The following CSMD1 variants were observed in gnomAD, a reference collection of about 807,000 sequenced individuals.
CSMD1 encodes CUB and sushi domain-containing protein 1.
In CSMD1, 213 loss-of-function variants were observed where a neutral mutation model predicts 417.5. The ratio of observed to expected loss-of-function variants is 0.51; its 90% CI spans 0.46 to 0.57. The LOEUF (loss-of-function observed/expected upper bound fraction) is 0.57, where lower values mean the gene tolerates loss of function less well. CSMD1 is among the 20% of genes least tolerant of loss of function. The pLI is 0.00. For missense variants in CSMD1, 6,923 were observed against 4,529.7 expected, an observed-to-expected ratio of 1.53 and a Z score of -15.17; for synonymous variants, 2,862 against 1,736.8, an observed-to-expected ratio of 1.65 and a Z score of -16.11.
chr8:4,097,810 G>A (rs1466711209), intron 3 of CSMD1, among the ~76,000 whole-genome samples: 1 of 152,152 alleles, frequency 6.6e-6, no homozygotes. Context: ...TGCTGTGGGT[G>A]GGTTATGTTT....
chr8:3,026,933 A>G (rs1036556209), intron 51 of CSMD1, among the ~76,000 whole-genome samples: 1 of 152,168 alleles, frequency 6.6e-6, no homozygotes, highest in Non-Finnish European at 1.5e-5. Context: ...CTCTGATGTC[A>G]TTTCCAAAAC....
At chr8:3,741,744 A>T (rs1257934915) in intron 6 of CSMD1, among the ~76,000 whole-genome samples, 2 of 152,150 alleles carry the variant, frequency 1.3e-5, no homozygotes, top group Non-Finnish European at 2.9e-5. Flanking sequence ...AGAAGAAAAT[A>T]CCCAGTGGTG....
chr8:4,064,745 C>G lies in CSMD1; in HGVS notation c.416-32646G>C, dbSNP rs1799156859. Among the ~76,000 whole-genome samples, 6 of 152,304 alleles carry G rather than the reference C, an allele frequency of 3.9e-5. 1 individual carries two copies. In the South Asian group the frequency reaches 1.0e-3, roughly 26 times the overall value. On this transcript the variant is annotated intron_variant, in intron 3 of 69. Transcript: ENST00000635120. ...TACTCAACCTTCACAACCGAGATCTCTCAGTACTGCTGTGGAAACAATCCA... is the reference window on the plus strand; with the variant it reads ...TACTCAACCTTCACAACCGAGATCTGTCAGTACTGCTGTGGAAACAATCCA...
intron 41 of CSMD1, among the ~76,000 whole-genome samples, chr8:3,140,486 G>C (rs1051451944): frequency 1.2e-4 from 19 of 152,108 alleles, no homozygotes; most frequent in Non-Finnish European, 2.6e-4. Flanking sequence ...GCAATGTCTA[G>C]AGACATATTG....
chr8:3,096,349 A>G lies in CSMD1; in HGVS notation c.7138+500T>C, dbSNP rs148242738. Among the ~76,000 whole-genome samples, 900 of 151,898 alleles carry G rather than the reference A, an allele frequency of 5.9e-3. 10 individuals carry two copies. The highest frequency in any genetic ancestry group is 0.021 in the African/African-American group (870 of 41,544). On this transcript the variant is annotated intron_variant, in intron 47 of 69. Coordinates refer to ENST00000635120, the MANE Select transcript of CSMD1 (RefSeq NM_033225.6). ...AAATCTGGTGGGAGGTAATTGAATC[A>G]TGTGGGTGGGTCTTTCCCATGCTGT...
At chr8:4,165,264 G>T (rs995775478) in intron 3 of CSMD1, among the ~76,000 whole-genome samples, 3 of 152,226 alleles carry the variant, frequency 2.0e-5, no homozygotes, top group Non-Finnish European at 2.9e-5. Context: ...CTGTTGCAGC[G>T]AAAGTTACAG....
At chr8:3,347,961 G>A (rs375902161) in intron 22 of CSMD1, 31 bp downstream of exon 22, 2 of 1,493,742 alleles carry the variant, frequency 1.3e-6, no homozygotes, top group Non-Finnish European at 9.0e-7. Context: ...AGAAAACTTG[G>A]AGTCATCATG....
chr8:4,164,430 G>A (rs985026673), intron 3 of CSMD1, among the ~76,000 whole-genome samples: 4 of 152,040 alleles, frequency 2.6e-5, no homozygotes, highest in Non-Finnish European at 5.9e-5. Context: ...AGGGTTGCAG[G>A]TGACCTCTGA....
At position 3,038,350 on chromosome 8, in the gene CSMD1, C is replaced by G. The variant is rs535600575; in HGVS notation, c.7661-8837G>C. ...ATTACATAAAATGAGTCTAATCCAA[C>G]CCCTGGGAAGGATTTTGAAAAATAG... is the stretch of plus-strand genomic sequence containing the variant. On this transcript the variant is annotated intron_variant, in intron 50 of 69. Transcript: ENST00000635120. Among the ~76,000 whole-genome samples, 6 of 152,142 alleles carry G rather than the reference C, an allele frequency of 3.9e-5. 1 individual carries two copies. Among genetic ancestry groups the G allele is most frequent in the Non-Finnish European group, 8.8e-5 (6 of 68,036 alleles).
At chr8:4,552,768 G>A (rs752502842) in intron 2 of CSMD1, among the ~76,000 whole-genome samples, 8 of 152,190 alleles carry the variant, frequency 5.3e-5, no homozygotes, top group Non-Finnish European at 8.8e-5. Context: ...AGTCATCTCA[G>A]AAGGGTGGTA....
intron 2 of CSMD1, among the ~76,000 whole-genome samples, chr8:4,516,483 C>G (rs920662619): frequency 4.6e-5 from 7 of 152,114 alleles, no homozygotes; most frequent in African/African-American, 1.7e-4. Flanking sequence ...AACGGCTGGA[C>G]CCCGGGCCCT....
At chr8:4,606,737 A>G (rs1488679691) in intron 2 of CSMD1, among the ~76,000 whole-genome samples, 1 of 152,204 alleles carries the variant, frequency 6.6e-6, no homozygotes, top group Non-Finnish European at 1.5e-5. Flanking sequence ...ACCTTTTTCT[A>G]ATAAAGACCT....
intron 12 of CSMD1, among the ~76,000 whole-genome samples, chr8:3,430,854 G>A (rs1427980216): frequency 3.3e-5 from 5 of 152,090 alleles, no homozygotes; most frequent in Non-Finnish European, 7.4e-5. Flanking sequence ...AAATATATAA[G>A]ATAGGTTCTA....
At chr8:4,991,062 G>C (rs1811438795) in intron 1 of CSMD1, among the ~76,000 whole-genome samples, 2 of 152,000 alleles carry the variant, frequency 1.3e-5, no homozygotes, top group African/African-American at 4.8e-5. Flanking sequence ...ACGCTTTCTG[G>C]GTAAGTAATT....
intron 8 of CSMD1, 83 bp from the exon 9 acceptor site, chr8:3,586,343 G>T: frequency 3.0e-6 from 4 of 1,323,294 alleles, no homozygotes; most frequent in Non-Finnish European, 3.1e-6. Context: ...CAGCAAAATG[G>T]CTGCTACGAT....
chr8:3,734,604 G>A (rs374281767), intron 6 of CSMD1, among the ~76,000 whole-genome samples: 40 of 152,186 alleles, frequency 2.6e-4, no homozygotes, highest in East Asian at 3.9e-4. Flanking sequence ...CCAACTACTC[G>A]GGAGTCTGAG....
chr8:4,662,712 T>A lies in CSMD1; in HGVS notation c.86-25154A>T, dbSNP rs1172721963. Among the ~76,000 whole-genome samples, 7 of 152,318 alleles carry A rather than the reference T, an allele frequency of 4.6e-5. No homozygotes were observed. The East Asian group carries it at 1.4e-3, about 29-fold the overall frequency. On this transcript the variant is annotated intron_variant, in intron 1 of 69. Coordinates refer to ENST00000635120, the MANE Select transcript of CSMD1 (RefSeq NM_033225.6). ...CATTTGTACACTGCACTTTCAGATGTTACGCAATTATTCGTCACATACACC... is the reference window on the plus strand; with the variant it reads ...CATTTGTACACTGCACTTTCAGATGATACGCAATTATTCGTCACATACACC...
At chr8:3,154,701 G>A (rs1314152050) in intron 39 of CSMD1, among the ~76,000 whole-genome samples, 1 of 152,068 alleles carries the variant, frequency 6.6e-6, no homozygotes, top group Non-Finnish European at 1.5e-5. Flanking sequence ...ACCATTCTGG[G>A]GCTTGTTATA....
chr8:3,230,028 G>C lies in CSMD1; in HGVS notation c.4345+12C>G. 1 of 1,520,884 alleles carries C rather than the reference G, an allele frequency of 6.6e-7. No homozygotes were observed. Among genetic ancestry groups the C allele is most frequent in the Non-Finnish European group, 8.9e-7 (1 of 1,129,400 alleles). The allele number at this position is 1,520,884 out of a possible 1,614,324, so 94.2% of individuals were successfully genotyped here. ...CCTGAATATAAAATTTCTAAGTTCT[G>C]TTGTCTGATACCTATGCATGTAGGA... On this transcript the variant is annotated intron_variant, in intron 27 of 69. Coordinates refer to ENST00000635120, the MANE Select transcript of CSMD1 (RefSeq NM_033225.6).
Sources: gnomAD v4.1 joint callset for allele counts (sites outside exome capture counted in the v4.1 genomes callset) on GRCh38, gnomAD v4.1.1 for gene constraint, MANE v1.5 for transcripts, NCBI Gene and HGNC (gene_info 2026-07-23, HGNC 2026-07-21) for gene names.